The following JMJD7 variants were observed in gnomAD, a reference collection of about 807,000 sequenced individuals.
JMJD7 encodes the protein bifunctional peptidase and (3S)-lysyl hydroxylase JMJD7.
Under a neutral mutation model 41.1 loss-of-function variants are expected in JMJD7, and 41 were observed. That is an observed-to-expected ratio of 1.00 (90% CI 0.78 to 1.30). JMJD7 has a LOEUF of 1.30. Among genes scored for constraint, JMJD7 ranks in the 50% most tolerant of loss-of-function variants. The pLI is 0.00. For missense variants in JMJD7, 480 were observed against 420.7 expected, an observed-to-expected ratio of 1.14 and a Z score of -1.23; for synonymous variants, 202 against 177.2, an observed-to-expected ratio of 1.14 and a Z score of -1.11.
Position 41,835,241 on chromosome 15 carries a change from G to A in JMJD7, c.472+18G>A, listed in dbSNP as rs2065293908. On this transcript the variant is annotated intron_variant, in intron 3 of 7. Coordinates refer to ENST00000397299, the MANE Select transcript of JMJD7 (RefSeq NM_001114632.2). Reference sequence around the variant, plus strand: ...AGCCCTGGGTGAGTGGAGGTGGGGTGGTCGTGGCCCTGGACAGGGAAGATA... The same window carrying A: ...AGCCCTGGGTGAGTGGAGGTGGGGTAGTCGTGGCCCTGGACAGGGAAGATA... The A allele has an allele frequency of 3.1e-6, 5 of 1,592,472 alleles. No homozygotes were observed. Among genetic ancestry groups the A allele is most frequent in the Non-Finnish European group, 4.2e-6 (5 of 1,176,510 alleles).
Position 41,836,490 on chromosome 15 carries a change from C to A in JMJD7, c.641C>A (p.Ala214Glu). 1 of 1,589,198 alleles carries A rather than the reference C, an allele frequency of 6.3e-7. No individual in the cohort carries two copies. Among genetic ancestry groups the A allele is most frequent in the Admixed American group, 1.8e-5 (1 of 55,700 alleles). ...PFIPYELYTP[A>E]TYQLTEEGTF... Reference sequence around the variant, plus strand: ...TGGGCTCCAGAGCTGTACACGCCGGCAACCTACCAGCTAACTGAAGAGGGC... The same window carrying A: ...TGGGCTCCAGAGCTGTACACGCCGGAAACCTACCAGCTAACTGAAGAGGGC... The change falls in exon 6 of 8, where the codon GCA becomes GAA. Residue 214 changes from alanine to glutamate, a missense_variant. Physicochemically the swap from Ala to Glu is moderately radical, Grantham distance 107 (BLOSUM62 -1). Coordinates refer to ENST00000397299, the MANE Select transcript of JMJD7 (RefSeq NM_001114632.2).
rs886498735 is a variant in JMJD7 at position 41,828,302 on chromosome 15, C to T, written c.64+114C>T. The T allele has an allele frequency of 1.6e-5, 20 of 1,288,254 alleles. No homozygotes were observed. The African/African-American group carries it at 1.7e-4, about 11-fold the overall frequency. The allele number at this position is 1,288,254 out of a possible 1,614,324, so 79.8% of individuals were successfully genotyped here. ...TGTGCGACTGCCCTGAGGCCCCGCT[C>T]GGGTTGCTCTTCTGTGGCAACCTGC... On this transcript the variant is annotated intron_variant, in intron 1 of 7. Transcript: ENST00000397299.
Position 41,836,925 on chromosome 15 carries a change from C to G in JMJD7, c.847C>G (p.Gln283Glu). 6.2e-7 allele frequency: 1 copy of G among 1,613,236 alleles called. No homozygotes were observed. Among genetic ancestry groups the G allele is most frequent in the East Asian group, 2.2e-5 (1 of 44,856 alleles). Residue 283 changes from glutamine to glutamate, a missense_variant, in exon 7 of 8, where the codon CAG (glutamine) becomes GAG (glutamate). Physicochemically the swap from Gln to Glu is conservative, Grantham distance 29 (BLOSUM62 2). Coordinates refer to ENST00000397299, the MANE Select transcript of JMJD7 (RefSeq NM_001114632.2). ...GTGGTTCCACCACGTCCAGCAGTCC[C>G]AGGGCTGCATCGCAGGTGAAGAGTT... ...ALWFHHVQQS[Q>E]GCIAVNFWYD... is the part of the protein sequence containing the mutation.
chr15:41,828,237 C>T (rs1381823294), intron 1 of JMJD7, 49 bp downstream of exon 1: 1 of 1,479,346 alleles, frequency 6.8e-7, no homozygotes, highest in Non-Finnish European at 8.9e-7. Context: ...ACGGGAGGGG[C>T]CCTGGGATGC....
At position 41,836,556 on chromosome 15, in the gene JMJD7, C is replaced by G. The variant is rs1296899119; in HGVS notation, c.702+5C>G. The G allele has an allele frequency of 4.5e-6, 7 of 1,569,142 alleles. No individual in the cohort carries two copies. The highest frequency in any genetic ancestry group is 2.7e-5 in the African/African-American group (2 of 74,234). On this transcript the variant is annotated splice_donor_5th_base_variant and intron_variant, in intron 6 of 7. Transcript: ENST00000397299. ...GATGAAGAGGCCATGGAGAAGGTGT[C>G]TGTCCTGTTCTTGGGCTCTAGGGAG...
chr15:41,837,482 TG>T lies in JMJD7; in HGVS notation c.*328del, dbSNP rs1455627790. ...TGTCCTGTCAGTAAAGAGATAATAA[TG>T]GCTGTACCTCGCGGGGCTGTTGTGG... On this transcript the variant is annotated 3_prime_UTR_variant, in exon 8 of 8. Coordinates refer to ENST00000397299, the MANE Select transcript of JMJD7 (RefSeq NM_001114632.2). 5.4e-6 allele frequency: 2 copies of T among 370,858 alleles called. No individual in the cohort carries two copies. The highest frequency in any genetic ancestry group is 8.8e-5 in the Admixed American group (2 of 22,628). The allele number at this position is 370,858 out of a possible 1,614,324, so 23.0% of individuals were successfully genotyped here.
intron 1 of JMJD7, among the ~76,000 whole-genome samples, chr15:41,833,359 GA>G (rs1243036179): frequency 7.2e-6 from 1 of 139,718 alleles, no homozygotes; most frequent in Admixed American, 7.6e-5. Flanking sequence ...TAGCAAGGGT[GA>G]AAGAATGATA....
intron 1 of JMJD7, among the ~76,000 whole-genome samples, chr15:41,830,931 G>A (rs2065220941): frequency 6.6e-6 from 1 of 152,266 alleles, no homozygotes; most frequent in African/African-American, 2.4e-5. Flanking sequence ...GGCACAAACA[G>A]CTTGGGTGCC....
chr15:41,833,067 G>A (rs929058281), intron 1 of JMJD7, among the ~76,000 whole-genome samples: 2 of 152,112 alleles, frequency 1.3e-5, no homozygotes, highest in Non-Finnish European at 2.9e-5. Flanking sequence ...AAGGAGCAGT[G>A]GTAAGCCATC....
At chr15:41,828,349 C>T in intron 1 of JMJD7, 161 bp downstream of exon 1, 2 of 863,714 alleles carry the variant, frequency 2.3e-6, no homozygotes, top group South Asian at 2.7e-5. Context: ...CGTGTTCGCG[C>T]GCTCCCGCGG....
Position 41,834,984 on chromosome 15 carries a change from C to T in JMJD7, c.233C>T (p.Ser78Phe), listed in dbSNP as rs1461649376. 5 of 1,614,006 alleles carry T rather than the reference C, an allele frequency of 3.1e-6. No homozygotes were observed. The South Asian group carries it at 4.4e-5, about 14-fold the overall frequency. The change falls in exon 3 of 8, where the codon TCC (serine) becomes TTC (phenylalanine). Residue 78 changes from serine (S) to phenylalanine (F), a missense_variant. Ser to Phe is a radical substitution (Grantham distance 155). Coordinates refer to ENST00000397299, the MANE Select transcript of JMJD7 (RefSeq NM_001114632.2). ...SLPYFRATVG[S>F]TEVSVAVTPD... is the part of the protein sequence containing the mutation. The stretch of plus-strand genomic sequence containing the variant: ...CATTCCTCTAGAGCCACAGTGGGCT[C>T]CACAGAGGTGAGTGTGGCCGTGACC...
chr15:41,835,276 G>A, intron 3 of JMJD7, 53 bp downstream of exon 3: 4 of 1,557,960 alleles, frequency 2.6e-6, no homozygotes, highest in Non-Finnish European at 3.5e-6. Flanking sequence ...ATGGGAAGGA[G>A]GGGGGTCAGC....
In JMJD7 at chr15:41,835,104, G is replaced by C; in HGVS notation, c.353G>C (p.Gly118Ala). The C allele has an allele frequency of 1.9e-6, 3 of 1,612,856 alleles. No individual in the cohort carries two copies. The highest frequency in any genetic ancestry group is 1.7e-6 in the Non-Finnish European group (2 of 1,180,036). The change falls in exon 3 of 8, where the codon GGC becomes GCC. Residue 118 changes from glycine to alanine, a missense_variant. By Grantham distance (60) the Gly-to-Ala change is moderately conservative (BLOSUM62 0). Coordinates refer to ENST00000397299, the MANE Select transcript of JMJD7 (RefSeq NM_001114632.2). ...PLSFVLDVLE[G>A]RAQHPGVLYV... Reference sequence around the variant, plus strand: ...AGCTTCGTGCTGGATGTGCTGGAGGGCCGGGCCCAGCACCCTGGAGTCCTC... The same window carrying C: ...AGCTTCGTGCTGGATGTGCTGGAGGCCCGGGCCCAGCACCCTGGAGTCCTC...
rs2065323468 is a variant in JMJD7, at chr15:41,836,702, T to C, written c.703-79T>C. ...CTGCTGAGCCAAGCAGGGCCTGTGGTGTTGACCTTTGGAAGGGACAGAGCC... is the reference window on the plus strand; with the variant it reads ...CTGCTGAGCCAAGCAGGGCCTGTGGCGTTGACCTTTGGAAGGGACAGAGCC... On this transcript the variant is annotated intron_variant, in intron 6 of 7. Transcript: ENST00000397299. 20 of 1,499,482 alleles carry C rather than the reference T, an allele frequency of 1.3e-5. No individual in the cohort carries two copies. In the South Asian group the frequency reaches 1.9e-4, roughly 15 times the overall value. The allele number at this position is 1,499,482 out of a possible 1,614,324, so 92.9% of individuals were successfully genotyped here. A position where few individuals can be genotyped will look rare whatever the true frequency, so the allele number is the denominator to read the frequency against.
intron 1 of JMJD7, among the ~76,000 whole-genome samples, chr15:41,833,398 A>ATATATATATATATATATAT (rs2065258041): frequency 2.5e-5 from 1 of 39,314 alleles, no homozygotes; most frequent in Non-Finnish European, 5.8e-5. Context: ...AAATACATAT[A>ATATATATATATATATATAT]TATATATATA....
chr15:41,835,923 C>T (rs944335867), intron 4 of JMJD7: 15 of 575,342 alleles, frequency 2.6e-5, no homozygotes, highest in East Asian at 6.1e-5. Flanking sequence ...GAGAACTTCC[C>T]CTCTTGTTGA....
chr15:41,828,908 G>A (rs768066645), intron 1 of JMJD7, among the ~76,000 whole-genome samples: 2 of 152,142 alleles, frequency 1.3e-5, no homozygotes, highest in African/African-American at 2.4e-5. Context: ...CTCTACCTCA[G>A]TCTTTTTCAC....
intron 1 of JMJD7, among the ~76,000 whole-genome samples, chr15:41,834,262 A>C (rs534042890): frequency 6.6e-6 from 1 of 152,352 alleles, no homozygotes; most frequent in South Asian, 2.1e-4. Flanking sequence ...AGCCAAGCCA[A>C]GTGCTGAGCA....
chr15:41,828,117 A>G lies in JMJD7; in HGVS notation c.-8A>G, dbSNP rs538432571. 5 of 1,450,546 alleles carry G rather than the reference A, an allele frequency of 3.4e-6. No homozygotes were observed. In the African/African-American group the frequency reaches 4.5e-5, roughly 13 times the overall value. 89.9% of individuals were successfully genotyped at this position (1,450,546 alleles called of 1,614,324 possible). On this transcript the variant is annotated 5_prime_UTR_variant, in exon 1 of 8. Transcript: ENST00000397299. Reference sequence around the variant, plus strand: ...AAAGGCGGGGTCTCGGCCGGCGCTGACGCAGCCATGGCGGAGGCGGCTTTG... The same window carrying G: ...AAAGGCGGGGTCTCGGCCGGCGCTGGCGCAGCCATGGCGGAGGCGGCTTTG...
Sources: allele counts gnomAD v4.1 joint callset (sites outside exome capture counted in the v4.1 genomes callset), GRCh38; gene constraint gnomAD v4.1.1; transcripts MANE v1.5; gene names NCBI Gene and HGNC (gene_info 2026-07-23, HGNC 2026-07-21).